Variants in TSHZ2 observed in about 807,000 individuals in gnomAD.
The protein encoded by TSHZ2 is teashirt homolog 2.
TSHZ2 carries 21 observed loss-of-function variants against 74.4 expected under a neutral mutation model. That is an observed-to-expected ratio of 0.28 (90% CI 0.20 to 0.41). The LOEUF (loss-of-function observed/expected upper bound fraction) is 0.41. Ranked by LOEUF, TSHZ2 falls within the 10% of genes least tolerant of loss-of-function variation. The pLI is 1.00. For synonymous variants in TSHZ2, 540 were observed against 515.3 expected, an observed-to-expected ratio of 1.05 and a Z score of -0.65; for missense variants, 1,244 against 1,293.5, an observed-to-expected ratio of 0.96 and a Z score of 0.59.
rs755119289 is a variant in TSHZ2, at chr20:53,255,559, G to A, written c.2101G>A (p.Val701Ile). ...CAACCCACTCAGCGCCCTGCAGTCC[G>A]TCCTGAACAATCACTTGGGCAAAGC... The part of the protein sequence containing the change: ...CINPLSALQS[V>I]LNNHLGKATE... Residue 701 changes from valine (V) to isoleucine (I), a missense_variant, in exon 2 of 3, where the codon GTC (valine) becomes ATC (isoleucine). Physicochemically the swap from Val to Ile is conservative, Grantham distance 29. This residue lies in a region of TSHZ2 where 562 missense variants were observed against 544.0 expected (regional missense o/e 1.03). Coordinates refer to ENST00000371497, the MANE Select transcript of TSHZ2 (RefSeq NM_173485.6). This position sits in a 1 kb window ranked among gnomAD's most constrained non-coding sequence, Gnocchi z 4.1. 71 of 1,583,856 alleles carry A rather than the reference G, an allele frequency of 4.5e-5. No individual in the cohort carries two copies. The highest frequency in any genetic ancestry group is 3.6e-4 in the East Asian group (16 of 44,694).
intron 1 of TSHZ2, among the ~76,000 whole-genome samples, chr20:53,226,217 T>C (rs987359330): frequency 2.0e-5 from 3 of 151,778 alleles, no homozygotes; most frequent in African/African-American, 7.3e-5. Flanking sequence ...CATGGGAGCT[T>C]TGGGGACAGG....
chr20:52,997,263 G>A (rs550142636), intron 1 of TSHZ2, among the ~76,000 whole-genome samples: 7,950 of 151,514 alleles, frequency 0.052, 480 homozygotes, highest in African/African-American at 0.15. Context: ...TTGCCCCGGG[G>A]GGGGGTTCAG....
At chr20:53,202,430 A>T (rs1989031894) in intron 1 of TSHZ2, among the ~76,000 whole-genome samples, 1 of 152,200 alleles carries the variant, frequency 6.6e-6, no homozygotes, top group Non-Finnish European at 1.5e-5. Flanking sequence ...TCTGCAGTGT[A>T]GCTGTGTTGA....
At chr20:53,442,588 C>T (rs1269368582) in intron 2 of TSHZ2, among the ~76,000 whole-genome samples, 1 of 152,130 alleles carries the variant, frequency 6.6e-6, no homozygotes, top group Non-Finnish European at 1.5e-5. Context: ...AGTCATCTGT[C>T]TGCGAACCCC....
At chr20:53,472,937 C>T (rs1010818251) in intron 2 of TSHZ2, among the ~76,000 whole-genome samples, 3 of 152,154 alleles carry the variant, frequency 2.0e-5, no homozygotes, top group South Asian at 2.1e-4. Context: ...CCGAATACTG[C>T]GCTTTTCCGA....
intron 2 of TSHZ2, among the ~76,000 whole-genome samples, chr20:53,451,200 A>G (rs907145082): frequency 1.3e-5 from 2 of 152,204 alleles, no homozygotes; most frequent in Non-Finnish European, 2.9e-5. Flanking sequence ...ATTCTTCTGT[A>G]GGACGAAATA....
chr20:53,142,528 G>A (rs1600709754), intron 1 of TSHZ2, among the ~76,000 whole-genome samples: 1 of 152,258 alleles, frequency 6.6e-6, no homozygotes, highest in Non-Finnish European at 1.5e-5. Flanking sequence ...CAGGAAGGAA[G>A]ATAAGGCCAG....
At chr20:53,243,824 T>TGC (rs1348373531) in intron 1 of TSHZ2, among the ~76,000 whole-genome samples, 13 of 145,242 alleles carry the variant, frequency 9.0e-5, no homozygotes, top group Admixed American at 2.1e-4. Flanking sequence ...CTTGCTTGCT[T>TGC]TTTTTTTTTT....
intron 2 of TSHZ2, among the ~76,000 whole-genome samples, chr20:53,390,822 A>C (rs776000709): frequency 8.5e-5 from 13 of 152,090 alleles, no homozygotes; most frequent in Non-Finnish European, 1.8e-4. Flanking sequence ...TTGTTTCTTG[A>C]CTTTTTAATG....
chr20:53,210,635 G>T (rs1212072419), intron 1 of TSHZ2, among the ~76,000 whole-genome samples: 3 of 151,844 alleles, frequency 2.0e-5, no homozygotes, highest in African/African-American at 7.3e-5. Context: ...TACAGGATGG[G>T]GGATATGGAG....
At chr20:53,059,488 A>G (rs1213778846) in intron 1 of TSHZ2, among the ~76,000 whole-genome samples, 1 of 152,252 alleles carries the variant, frequency 6.6e-6, no homozygotes, top group Non-Finnish European at 1.5e-5. Context: ...GATGATTTAC[A>G]AAAATGAAAA....
chr20:53,478,828 G>T lies in TSHZ2; in HGVS notation c.*9-8316G>T, dbSNP rs1230089476. ...ATCCTGAAATAAAATTTCTAGATCG[G>T]GTGGCCAGCCTACACACAAACCGCA... On this transcript the variant is annotated intron_variant, in intron 2 of 2. Coordinates refer to ENST00000371497, the MANE Select transcript of TSHZ2 (RefSeq NM_173485.6). Among the ~76,000 whole-genome samples the T allele has an allele frequency of 3.3e-5, 5 of 151,784 alleles. No individual in the cohort carries two copies. In the East Asian group the frequency reaches 5.8e-4, roughly 18 times the overall value.
At chr20:53,291,353 T>C (rs1254237385) in intron 2 of TSHZ2, among the ~76,000 whole-genome samples, 1 of 151,730 alleles carries the variant, frequency 6.6e-6, no homozygotes, top group African/African-American at 2.4e-5. Context: ...CACACCTGTA[T>C]TCGCAGCTAC....
rs1382993289 is a variant in TSHZ2, at chr20:53,190,135, A to T, written c.41-63364A>T. 4.9e-3 allele frequency among the ~76,000 whole-genome samples: 443 copies of T among 89,896 alleles called. 13 individuals carry two copies. Among genetic ancestry groups the T allele is most frequent in the African/African-American group, 0.018 (423 of 23,486 alleles). The allele number at this position is 89,896 out of a possible 152,430, so 59.0% of individuals were successfully genotyped here. ...TATATATATATATATATATATATATATATTTTCTTAAATGCCTCTGTTTCT... is the reference window on the plus strand; with the variant it reads ...TATATATATATATATATATATATATTTATTTTCTTAAATGCCTCTGTTTCT... On this transcript the variant is annotated intron_variant, in intron 1 of 2. Transcript: ENST00000371497.
At chr20:53,014,709 C>T (rs191021372) in intron 1 of TSHZ2, among the ~76,000 whole-genome samples, 22 of 152,222 alleles carry the variant, frequency 1.4e-4, no homozygotes, top group Admixed American at 1.1e-3. Flanking sequence ...ACACTTATAA[C>T]CCACTTTTTC....
At chr20:53,028,861 A>G (rs1983540372) in intron 1 of TSHZ2, among the ~76,000 whole-genome samples, 1 of 152,200 alleles carries the variant, frequency 6.6e-6, no homozygotes, top group Admixed American at 6.5e-5. Flanking sequence ...TACACAAATG[A>G]ATCCACTGAC....
intron 2 of TSHZ2, among the ~76,000 whole-genome samples, chr20:53,314,593 A>G (rs898962424): frequency 6.6e-6 from 1 of 150,696 alleles, no homozygotes; most frequent in Non-Finnish European, 1.5e-5. Context: ...TCTCCTTACG[A>G]ACAGTCTTAT....
intron 2 of TSHZ2, among the ~76,000 whole-genome samples, chr20:53,472,570 A>G (rs1568933464): frequency 6.6e-6 from 1 of 152,330 alleles, no homozygotes; most frequent in African/African-American, 2.4e-5. Context: ...TCTGGAACTC[A>G]CAGTCACCAG....
intron 2 of TSHZ2, among the ~76,000 whole-genome samples, chr20:53,328,407 T>C (rs1288547036): frequency 6.6e-6 from 1 of 152,218 alleles, no homozygotes; most frequent in Non-Finnish European, 1.5e-5. Context: ...TACAGACTTA[T>C]CATTTGTAAT....
Sources: allele counts gnomAD v4.1 joint callset (sites outside exome capture counted in the v4.1 genomes callset), GRCh38; gene constraint gnomAD v4.1.1; regional missense constraint gnomAD v4.1.1; non-coding constraint Gnocchi (gnomAD v3.1); transcripts MANE v1.5; gene names NCBI Gene and HGNC (gene_info 2026-07-23, HGNC 2026-07-21).